The following FAM222B variants were observed in gnomAD, a reference collection of about 807,000 sequenced individuals.
FAM222B encodes protein FAM222B.
In FAM222B, 12 loss-of-function variants were observed where a neutral mutation model predicts 38.0. That is an observed-to-expected ratio of 0.32 (90% CI 0.20 to 0.51). The LOEUF is 0.51. Among genes scored for constraint, FAM222B ranks in the 20% least tolerant of loss-of-function variants. The pLI, the probability that FAM222B is intolerant of heterozygous loss-of-function variation, is 0.97. For synonymous variants in FAM222B, 329 were observed against 317.2 expected (o/e 1.04, Z -0.40); for missense variants, 716 against 754.2 (o/e 0.95, Z 0.59).
intron 1 of FAM222B, 34 bp from the exon 2 acceptor site, chr17:28,766,741 A>G: frequency 8.1e-7 from 1 of 1,230,706 alleles, no homozygotes; most frequent in Non-Finnish European, 1.2e-6. Flanking sequence ...ATGAAACACA[A>G]GGCAACTCAT....
At position 28,854,837 on chromosome 17, in the gene FAM222B, C is replaced by T. The variant is rs1348861310; in HGVS notation, c.-41+113G>A. ...GAGTCCAAAACTACCGTCATGCTTG[C>T]ACAGACTCTAAATACACATTTTCCC... On this transcript the variant is annotated intron_variant, in intron 1 of 2. Transcript: ENST00000577513. 1.0e-5 allele frequency: 6 copies of T among 573,056 alleles called. No homozygotes were observed. In the Admixed American group the frequency reaches 1.8e-4, roughly 17 times the overall value. 35.5% of individuals were successfully genotyped at this position (573,056 alleles called of 1,614,324 possible).
chr17:28,822,848 T>TAC (rs2038306064), intron 1 of FAM222B, among the ~76,000 whole-genome samples: 2 of 97,800 alleles, frequency 2.0e-5, no homozygotes, highest in Non-Finnish European at 3.7e-5. Flanking sequence ...TATATATATA[T>TAC]ATATATATAT....
intron 1 of FAM222B, among the ~76,000 whole-genome samples, chr17:28,818,310 C>T (rs1241945992): frequency 1.3e-5 from 2 of 152,002 alleles, no homozygotes; most frequent in Admixed American, 6.6e-5. Context: ...GGGCGGATCA[C>T]GAGGTCAGGA....
intron 1 of FAM222B, among the ~76,000 whole-genome samples, chr17:28,835,298 G>A (rs1399472017): frequency 3.3e-5 from 5 of 151,880 alleles, no homozygotes; most frequent in African/African-American, 9.7e-5. Flanking sequence ...GCCTCCCAAA[G>A]TGCTGGGATT....
chr17:28,800,100 C>T (rs554189859), intron 1 of FAM222B, among the ~76,000 whole-genome samples: 10 of 151,666 alleles, frequency 6.6e-5, no homozygotes, highest in African/African-American at 2.2e-4. Flanking sequence ...GGCACGATCT[C>T]GGCTCACAGC....
chr17:28,808,042 G>A (rs978532191), intron 1 of FAM222B, among the ~76,000 whole-genome samples: 4 of 152,274 alleles, frequency 2.6e-5, no homozygotes, highest in Admixed American at 2.6e-4. Flanking sequence ...CAGCTCTGAG[G>A]ATAATCTCCC....
chr17:28,854,022 C>A (rs2039204789), intron 1 of FAM222B, among the ~76,000 whole-genome samples: 1 of 149,542 alleles, frequency 6.7e-6, no homozygotes, highest in South Asian at 2.1e-4. Flanking sequence ...CAGCTCACTG[C>A]AAGCTCCGCC....
chr17:28,836,523 G>A (rs548868646), intron 1 of FAM222B, among the ~76,000 whole-genome samples: 7 of 151,974 alleles, frequency 4.6e-5, no homozygotes, highest in African/African-American at 1.4e-4. Context: ...TCCAACAACC[G>A]AGCTCCCCAA....
chr17:28,781,191 G>A (rs1271753151), intron 1 of FAM222B, among the ~76,000 whole-genome samples: 3 of 152,056 alleles, frequency 2.0e-5, no homozygotes, highest in Non-Finnish European at 4.4e-5. Context: ...CCAGCTACTC[G>A]GGAGACTGAG....
chr17:28,759,667 T>C lies in FAM222B; in HGVS notation c.292A>G (p.Lys98Glu), dbSNP rs2034966104. ...TTGACAATGGCAAGCAGGCCTGCCT[T>C]GGTGGCAGCCTGTGTCGGGTAGGGG... is the stretch of plus-strand genomic sequence containing the variant. Reference protein sequence around the residue: ...YSPYPTQAATKAGLLAIVKVP... With the variant: ...YSPYPTQAATEAGLLAIVKVP... Residue 98 changes from lysine (K) to glutamate (E), a missense_variant, in exon 3 of 3, where the codon AAG (lysine) becomes GAG (glutamate). Coordinates refer to ENST00000581407, the MANE Select transcript of FAM222B (RefSeq NM_001077498.3). The surrounding 1 kb of genome is among the most constrained non-coding windows in gnomAD (Gnocchi z 4.8). 6.2e-7 allele frequency: 1 copy of C among 1,613,388 alleles called. No individual in the cohort carries two copies. The highest frequency in any genetic ancestry group is 1.7e-5 in the Admixed American group (1 of 59,912).
intron 1 of FAM222B, among the ~76,000 whole-genome samples, chr17:28,822,095 C>T (rs1374411739): frequency 1.3e-5 from 2 of 151,050 alleles, no homozygotes; most frequent in Non-Finnish European, 3.0e-5. Flanking sequence ...GATCTCGGCT[C>T]ACTGCAACCT....
At position 28,837,549 on chromosome 17, in the gene FAM222B, G is replaced by A. The variant is rs1213665296; in HGVS notation, c.-41+5133C>T. On this transcript the variant is annotated intron_variant, in intron 1 of 2. Coordinates refer to ENST00000581407, the MANE Select transcript of FAM222B (RefSeq NM_001077498.3). ...AATTTAGTATTTTTCTTGTTAAATT[G>A]TAGTCCTTTTCACTATAAGTCACAG... is the stretch of plus-strand genomic sequence containing the variant. 2.6e-5 allele frequency among the ~76,000 whole-genome samples: 4 copies of A among 151,924 alleles called. No homozygotes were observed. The East Asian group carries it at 5.8e-4, about 22-fold the overall frequency.
upstream of FAM222B, among the ~76,000 whole-genome samples, chr17:28,844,033 G>A (rs1226698408): frequency 6.6e-6 from 1 of 152,176 alleles, no homozygotes; most frequent in Non-Finnish European, 1.5e-5. Flanking sequence ...CTCACTGTGA[G>A]CCTGGCCCTT....
intron 1 of FAM222B, among the ~76,000 whole-genome samples, chr17:28,816,640 CAAAA>C (rs201311457): frequency 4.7e-5 from 7 of 149,086 alleles, no homozygotes; most frequent in Admixed American, 1.3e-4. Flanking sequence ...ATAAAAAAAA[CAAAA>C]AAAAACAATG....
chr17:28,795,787 A>G (rs1052759519), intron 1 of FAM222B, among the ~76,000 whole-genome samples: 1 of 152,152 alleles, frequency 6.6e-6, no homozygotes, highest in Non-Finnish European at 1.5e-5. Flanking sequence ...AGAATTTAAA[A>G]CGCAATCAGA....
intron 1 of FAM222B, chr17:28,766,978 A>C: frequency 3.1e-6 from 1 of 322,486 alleles, no homozygotes; most frequent in Non-Finnish European, 5.9e-6. Context: ...ACTGGAAAGT[A>C]CAGGTGCATT....
At chr17:28,786,186 T>C (rs548857809) in intron 1 of FAM222B, among the ~76,000 whole-genome samples, 2 of 152,204 alleles carry the variant, frequency 1.3e-5, no homozygotes, top group Admixed American at 1.3e-4. Flanking sequence ...TCCTAATGAA[T>C]TGGAGGAATC....
chr17:28,844,662 G>GA (rs966074052), upstream of FAM222B, among the ~76,000 whole-genome samples: 40 of 150,898 alleles, frequency 2.7e-4, no homozygotes, highest in Admixed American at 2.2e-3. Flanking sequence ...CGTCTCAAAA[G>GA]AAAAAAAAAT....
chr17:28,836,280 G>A (rs1027357256), intron 1 of FAM222B, among the ~76,000 whole-genome samples: 1 of 149,526 alleles, frequency 6.7e-6, no homozygotes, highest in Non-Finnish European at 1.5e-5. Context: ...AAGCCACCGC[G>A]CCTGGCCCTA....
Sources: gnomAD v4.1 joint callset for allele counts (sites outside exome capture counted in the v4.1 genomes callset) on GRCh38, gnomAD v4.1.1 for gene constraint, Gnocchi (gnomAD v3.1) non-coding constraint, MANE v1.5 for transcripts, NCBI Gene and HGNC (gene_info 2026-07-23, HGNC 2026-07-21) for gene names.